Variants in MACROD2 observed in about 807,000 individuals in gnomAD.
The protein encoded by MACROD2 is mono-ADP ribosylhydrolase 2.
MACROD2 carries 36 observed loss-of-function variants against 70.4 expected under a neutral mutation model. That is an observed-to-expected ratio of 0.51 (90% confidence interval 0.39 to 0.68). The LOEUF is 0.68. MACROD2 is among the 30% of genes least tolerant of loss of function. The pLI is 0.00. For missense variants in MACROD2, 496 were observed against 538.4 expected (o/e 0.92, Z 0.78); for synonymous variants, 172 against 178.8 (o/e 0.96, Z 0.30).
intron 4 of MACROD2, among the ~76,000 whole-genome samples, chr20:14,626,178 C>T (rs1445002131): frequency 6.6e-6 from 1 of 152,100 alleles, no homozygotes; most frequent in African/African-American, 2.4e-5. Context: ...GATCAAGGGG[C>T]ACACTTTACA....
At chr20:14,628,661 T>C (rs530924129) in intron 4 of MACROD2, 1 of 152,256 alleles carries the variant, frequency 6.6e-6, no homozygotes, top group East Asian at 1.9e-4. Context: ...CCTAAGACAA[T>C]TGGCTATGTG....
At position 15,078,643 on chromosome 20, in the gene MACROD2, G is replaced by T. The variant is rs1409384512; in HGVS notation, c.419-151297G>T. ...TTTTAGGAATTATCAGGAACTATTG[G>T]GAACAACTGAGGCCTCTTGGTCACT... On this transcript the variant is annotated intron_variant, in intron 5 of 17. Coordinates refer to ENST00000684519, the MANE Select transcript of MACROD2 (RefSeq NM_001351661.2). 2.0e-5 allele frequency among the ~76,000 whole-genome samples: 3 copies of T among 151,906 alleles called. No homozygotes were observed. The South Asian group carries it at 6.2e-4, about 31-fold the overall frequency.
rs185691651 is a variant in MACROD2 at position 15,329,244 on chromosome 20, A to G, written c.540+99183A>G. Among the ~76,000 whole-genome samples the G allele has an allele frequency of 3.3e-3, 501 of 152,212 alleles. 7 individuals carry two copies. The South Asian group carries it at 0.044, about 13-fold the overall frequency. On this transcript the variant is annotated intron_variant, in intron 6 of 17. Transcript: ENST00000684519. ...GATACCATAATGAAAAAGCTTAGAG[A>G]CAATCCCAAGGTCAAGTTCAGAGTG...
chr20:14,766,546 A>G (rs1049121216), intron 5 of MACROD2, among the ~76,000 whole-genome samples: 1 of 152,154 alleles, frequency 6.6e-6, no homozygotes, highest in African/African-American at 2.4e-5. Flanking sequence ...AAGCCTTGTA[A>G]GATTAACCAA....
In MACROD2 at chr20:14,111,272, T is replaced by C. The variant is rs573348525; in HGVS notation, c.271+25544T>C. 2.7e-3 allele frequency among the ~76,000 whole-genome samples: 417 copies of C among 152,026 alleles called. 2 individuals are homozygous for C. Among genetic ancestry groups the C allele is most frequent in the African/African-American group, 9.5e-3 (393 of 41,530 alleles). Reference sequence around the variant, plus strand: ...ACTATGAAACTACTACAAGAAAACATTGGGGAAACTCTCCAGGATATTGGT... The same window carrying C: ...ACTATGAAACTACTACAAGAAAACACTGGGGAAACTCTCCAGGATATTGGT... On this transcript the variant is annotated intron_variant, in intron 3 of 17. Transcript: ENST00000684519.
At chr20:14,754,546 G>T (rs73897207) in intron 5 of MACROD2, among the ~76,000 whole-genome samples, 1 of 151,904 alleles carries the variant, frequency 6.6e-6, no homozygotes, top group Non-Finnish European at 1.5e-5. Flanking sequence ...TAAATGTCTG[G>T]TGGGCACAGA....
chr20:15,662,821 T>G (rs1165571614), intron 8 of MACROD2, among the ~76,000 whole-genome samples: 1 of 151,638 alleles, frequency 6.6e-6, no homozygotes, highest in Non-Finnish European at 1.5e-5. Context: ...AATATTGCAG[T>G]TGGTATGTTG....
intron 5 of MACROD2, among the ~76,000 whole-genome samples, chr20:14,811,209 A>G (rs1011662187): frequency 6.6e-6 from 1 of 152,162 alleles, no homozygotes; most frequent in African/African-American, 2.4e-5. Context: ...TACCGTAACC[A>G]AAACAGCATG....
At position 14,429,361 on chromosome 20, in the gene MACROD2, A is replaced by G. The variant is rs576257813; in HGVS notation, c.272-64118A>G. Among the ~76,000 whole-genome samples the G allele has an allele frequency of 9.9e-5, 15 of 152,278 alleles. No homozygotes were observed. The East Asian group carries it at 1.5e-3, about 16-fold the overall frequency. On this transcript the variant is annotated intron_variant, in intron 3 of 17. Transcript: ENST00000684519. ...CATGGTCCTGTTAGGTAAAAGTTTTACACTTACAAAATTAGATACAAAGCT... is the reference window on the plus strand; with the variant it reads ...CATGGTCCTGTTAGGTAAAAGTTTTGCACTTACAAAATTAGATACAAAGCT...
At position 15,503,019 on chromosome 20, in the gene MACROD2, C is replaced by T. The variant is rs537332872; in HGVS notation, c.645+3172C>T. Among the ~76,000 whole-genome samples, 21 of 152,250 alleles carry T rather than the reference C, an allele frequency of 1.4e-4. No individual in the cohort carries two copies. In the South Asian group the frequency reaches 4.4e-3, roughly 32 times the overall value. On this transcript the variant is annotated intron_variant, in intron 8 of 17. Coordinates refer to ENST00000684519, the MANE Select transcript of MACROD2 (RefSeq NM_001351661.2). The stretch of plus-strand genomic sequence containing the variant: ...ATTTCATTGTCCAGAAAAAGGCACC[C>T]AGGGACTAAGTTCCAGGAGACAAGA...
intron 5 of MACROD2, among the ~76,000 whole-genome samples, chr20:15,002,494 T>TTGATTGGTTTTCACATTCTTA (rs1298627403): frequency 6.6e-6 from 1 of 152,164 alleles, no homozygotes; most frequent in Non-Finnish European, 1.5e-5. Context: ...TGTTCCCTTA[T>TTGATTGGTTTTCACATTCTTA]TGATTGGTTT....
At chr20:14,979,370 C>T (rs2074776433) in intron 5 of MACROD2, among the ~76,000 whole-genome samples, 1 of 152,064 alleles carries the variant, frequency 6.6e-6, no homozygotes. Flanking sequence ...GCAAATACTG[C>T]ATTTCAGTGA....
chr20:15,390,232 C>A (rs530609128), intron 6 of MACROD2, among the ~76,000 whole-genome samples: 2 of 152,206 alleles, frequency 1.3e-5, no homozygotes, highest in East Asian at 1.9e-4. Context: ...GGCAGAGTCC[C>A]CTCCTCCTGA....
intron 4 of MACROD2, among the ~76,000 whole-genome samples, chr20:14,678,234 G>A (rs939816264): frequency 6.6e-6 from 1 of 152,088 alleles, no homozygotes; most frequent in Admixed American, 6.6e-5. Context: ...GGATTTTTAT[G>A]GACTGGATGT....
chr20:14,194,764 T>C lies in MACROD2; in HGVS notation c.271+109036T>C, dbSNP rs80288067. ...GAACAAGGGTGGGACTGTTTGGTAG[T>C]GGAAAAGAAAGCTTGGTTTGATGCC... is the stretch of plus-strand genomic sequence containing the variant. On this transcript the variant is annotated intron_variant, in intron 3 of 17. Transcript: ENST00000684519. Among the ~76,000 whole-genome samples, 802 of 152,278 alleles carry C rather than the reference T, an allele frequency of 5.3e-3. 6 individuals carry two copies. Among genetic ancestry groups the C allele is most frequent in the Middle Eastern group, 0.044 (13 of 294 alleles).
Position 14,966,544 on chromosome 20 carries a change from C to T in MACROD2, c.419-263396C>T, listed in dbSNP as rs370352804. ...TGAGCTGTGATTGTGTCACTGCACTCCAGCCTGGGCAACAGAGCAAGAACC... is the reference window on the plus strand; with the variant it reads ...TGAGCTGTGATTGTGTCACTGCACTTCAGCCTGGGCAACAGAGCAAGAACC... On this transcript the variant is annotated intron_variant, in intron 5 of 17. Transcript: ENST00000684519. Among the ~76,000 whole-genome samples, 11 of 152,278 alleles carry T rather than the reference C, an allele frequency of 7.2e-5. No homozygotes were observed. In the East Asian group the frequency reaches 2.1e-3, roughly 29 times the overall value.
intron 5 of MACROD2, among the ~76,000 whole-genome samples, chr20:14,782,385 C>T (rs370798848): frequency 3.3e-5 from 5 of 152,158 alleles, no homozygotes; most frequent in Admixed American, 6.5e-5. Flanking sequence ...AAACTTTATA[C>T]GGCTAGCCAA....
At chr20:15,110,942 C>A (rs557233369) in intron 5 of MACROD2, among the ~76,000 whole-genome samples, 2 of 152,298 alleles carry the variant, frequency 1.3e-5, no homozygotes, top group East Asian at 3.9e-4. Context: ...ATGTGCTGGA[C>A]ACTGTGCTCA....
chr20:14,789,460 A>ATTCTTTTTTTTTTTTTT, intron 5 of MACROD2, among the ~76,000 whole-genome samples: 1 of 48,326 alleles, frequency 2.1e-5, no homozygotes, highest in Non-Finnish European at 3.6e-5. Flanking sequence ...GGTAGTGCAA[A>ATTCTTTTTTTTTTTTTT]TTTTTTTTTT....
Sources: gnomAD v4.1 joint callset for allele counts (sites outside exome capture counted in the v4.1 genomes callset) on GRCh38, gnomAD v4.1.1 for gene constraint, MANE v1.5 for transcripts, NCBI Gene and HGNC (gene_info 2026-07-23, HGNC 2026-07-21) for gene names.